Variants in RAPGEF2 observed in about 807,000 individuals in gnomAD.
RAPGEF2 encodes PDZ domain containing guanine nucleotide exchange factor (GEF) 1.
In RAPGEF2, 54 loss-of-function variants were observed where a neutral mutation model predicts 186.7. That is an observed-to-expected ratio of 0.29 (90% CI 0.23 to 0.36). RAPGEF2 has a LOEUF of 0.36. Ranked by LOEUF, RAPGEF2 falls within the 10% of genes least tolerant of loss-of-function variation. The probability of loss-of-function intolerance (pLI) is 1.00; values close to 1 mark genes in which losing one functional copy is unlikely to be tolerated. For synonymous variants in RAPGEF2, 712 were observed against 705.9 expected (o/e 1.01, Z -0.14); for missense variants, 1,532 against 2,045.0 (o/e 0.75, Z 4.84).
chr4:159,191,199 G>C (rs1466563443), intron 2 of RAPGEF2, among the ~76,000 whole-genome samples: 1 of 132,266 alleles, frequency 7.6e-6, no homozygotes, highest in Non-Finnish European at 1.7e-5. Flanking sequence ...ATCCAAAAGA[G>C]ACAGAAAAAA....
rs1417396037 is a variant in RAPGEF2, at chr4:159,355,947, A to G, written c.4746A>G (p.Pro1582=). The G allele has an allele frequency of 7.0e-7, 1 of 1,437,476 alleles. No homozygotes were observed. The highest frequency in any genetic ancestry group is 9.3e-7 in the Non-Finnish European group (1 of 1,077,932). 89.0% of individuals were successfully genotyped at this position (1,437,476 alleles called of 1,614,324 possible). ...ITDFPEGHSH[P]ARKPPDYNVA... ...ACTTTCCAGAAGGGCACTCCCATCC[A>G]GCCAGGAAACCGCCGGACTACAACG... Residue 1582 remains proline, a synonymous_variant, in exon 29 of 30, where the codon CCA becomes CCG. Coordinates refer to ENST00000691494, the MANE Select transcript of RAPGEF2 (RefSeq NM_001394067.2).
intron 7 of RAPGEF2, among the ~76,000 whole-genome samples, chr4:159,275,053 TCGTGTG>T (rs1758657275): frequency 9.6e-6 from 1 of 103,990 alleles, no homozygotes; most frequent in South Asian, 3.8e-4. Flanking sequence ...TCTCTGTCTC[TCGTGTG>T]TGTGTGTGTG....
intron 13 of RAPGEF2, among the ~76,000 whole-genome samples, chr4:159,331,211 T>C (rs1766639473): frequency 6.6e-6 from 1 of 152,206 alleles, no homozygotes; most frequent in Non-Finnish European, 1.5e-5. Context: ...CTTCACAGAC[T>C]CAGAACCTTT....
At chr4:159,154,993 T>A (rs1659935888) in intron 1 of RAPGEF2, among the ~76,000 whole-genome samples, 2 of 152,190 alleles carry the variant, frequency 1.3e-5, no homozygotes, top group Non-Finnish European at 2.9e-5. Flanking sequence ...AGCTTACATG[T>A]TTATTAAAGT....
intron 1 of RAPGEF2, among the ~76,000 whole-genome samples, chr4:159,130,249 T>TC (rs1261124481): frequency 6.6e-6 from 1 of 152,210 alleles, no homozygotes; most frequent in East Asian, 1.9e-4. Flanking sequence ...TTGACCTGTA[T>TC]CTTGTGGTGA....
At chr4:159,262,189 T>G (rs754076937) in intron 7 of RAPGEF2, among the ~76,000 whole-genome samples, 1 of 152,196 alleles carries the variant, frequency 6.6e-6, no homozygotes, top group African/African-American at 2.4e-5. Flanking sequence ...TTGTTGACAA[T>G]ATCAGATAAG....
chr4:159,310,988 AT>A (rs112605768), intron 8 of RAPGEF2, among the ~76,000 whole-genome samples: 13,311 of 151,482 alleles, frequency 0.088, 1,973 homozygotes, highest in African/African-American at 0.3. Flanking sequence ...TTATATTTCA[AT>A]TTTTTTTTAT....
chr4:159,350,384 T>C (rs1731006053), intron 26 of RAPGEF2, 95 bp downstream of exon 26: 1 of 1,076,284 alleles, frequency 9.3e-7, no homozygotes, highest in East Asian at 2.9e-5. Context: ...TTCCTAACAT[T>C]ATAGTCATTT....
intron 7 of RAPGEF2, chr4:159,267,372 G>C: frequency 8.0e-7 from 1 of 1,246,650 alleles, no homozygotes; most frequent in Non-Finnish European, 1.1e-6. Context: ...TTGAGATTGT[G>C]TGTGTGCATG....
At chr4:159,355,806 T>A (rs761925695) in intron 28 of RAPGEF2, 47 bp from the exon 29 acceptor site, 16 of 1,434,814 alleles carry the variant, frequency 1.1e-5, no homozygotes, top group Non-Finnish European at 1.5e-5. Flanking sequence ...AATAAACTTT[T>A]GTGGCATGAA....
intron 3 of RAPGEF2, among the ~76,000 whole-genome samples, chr4:159,209,579 C>G (rs1166638605): frequency 6.6e-6 from 1 of 152,118 alleles, no homozygotes; most frequent in African/African-American, 2.4e-5. Flanking sequence ...GTTGTTGTTC[C>G]CTGACATATC....
chr4:159,239,122 GTGTT>G (rs1376739675), intron 5 of RAPGEF2, among the ~76,000 whole-genome samples: 1 of 152,122 alleles, frequency 6.6e-6, no homozygotes, highest in Non-Finnish European at 1.5e-5. Flanking sequence ...AAGTAGCTAA[GTGTT>G]TGGTTTTTGT....
chr4:159,211,846 G>T (rs927069779), intron 4 of RAPGEF2, among the ~76,000 whole-genome samples: 1 of 152,120 alleles, frequency 6.6e-6, no homozygotes, highest in African/African-American at 2.4e-5. Context: ...ACACTCTATT[G>T]CCTGCTTGTT....
chr4:159,338,457 G>T lies in RAPGEF2; in HGVS notation c.2282G>T (p.Ser761Ile), dbSNP rs749584006. 3 of 1,613,074 alleles carry T rather than the reference G, an allele frequency of 1.9e-6. No individual in the cohort carries two copies. The highest frequency in any genetic ancestry group is 2.7e-5 in the African/African-American group (2 of 74,888). The change falls in exon 18 of 30, where the codon AGT becomes ATT. Residue 761 changes from serine to isoleucine, a missense_variant. By Grantham distance (142) the Ser-to-Ile change is moderately radical. Around this residue, in one of 4 missense-constraint regions of RAPGEF2, gnomAD observed 810 missense variants for 1,210.5 expected, o/e 0.67. Coordinates refer to ENST00000691494, the MANE Select transcript of RAPGEF2 (RefSeq NM_001394067.2). ...LQSHHRILDF[S>I]ATPDLPDQVL... ...TCACATCATCGCATTTTAGACTTCA[G>T]TGCTACTCCTGGTGAGTATCACCAA...
chr4:159,274,803 T>C (rs1227257986), intron 7 of RAPGEF2, among the ~76,000 whole-genome samples: 1 of 152,210 alleles, frequency 6.6e-6, no homozygotes, highest in Non-Finnish European at 1.5e-5. Flanking sequence ...GGAATGTAGA[T>C]ATAAATTTGC....
At chr4:159,184,470 A>C (rs928418128) in intron 1 of RAPGEF2, among the ~76,000 whole-genome samples, 3 of 151,976 alleles carry the variant, frequency 2.0e-5, no homozygotes, top group African/African-American at 7.3e-5. Context: ...TGTGGTTTTG[A>C]TTTGCATTTC....
At chr4:159,343,915 TTAA>T in intron 22 of RAPGEF2, 118 bp from the exon 23 acceptor site, 1 of 978,840 alleles carries the variant, frequency 1.0e-6, no homozygotes, top group Non-Finnish European at 1.6e-6. Flanking sequence ...ATTATGCAGT[TTAA>T]TGTTTGTGGG....
intron 7 of RAPGEF2, among the ~76,000 whole-genome samples, chr4:159,300,286 C>G (rs1762496641): frequency 6.6e-6 from 1 of 151,560 alleles, no homozygotes; most frequent in Admixed American, 6.6e-5. Flanking sequence ...ACCCTTGTTT[C>G]TTATATATTT....
intron 9 of RAPGEF2, among the ~76,000 whole-genome samples, chr4:159,321,097 G>A (rs1218092958): frequency 6.6e-6 from 1 of 151,906 alleles, no homozygotes; most frequent in Non-Finnish European, 1.5e-5. Context: ...AATACAGCTA[G>A]TAAGCATTTA....
Sources: allele counts gnomAD v4.1 joint callset (sites outside exome capture counted in the v4.1 genomes callset), GRCh38; gene constraint gnomAD v4.1.1; regional missense constraint gnomAD v4.1.1; transcripts MANE v1.5; gene names NCBI Gene and HGNC (gene_info 2026-07-23, HGNC 2026-07-21).